NOSTRIN: variants seen among roughly 807,000 people sequenced by gnomAD.
The protein encoded by NOSTRIN is nitric oxide synthase trafficking.
Under a neutral mutation model 59.0 loss-of-function variants are expected in NOSTRIN, and 63 were observed. The ratio of observed to expected loss-of-function variants is 1.07; its 90% CI spans 0.87 to 1.32. NOSTRIN has a LOEUF of 1.32. Among genes scored for constraint, NOSTRIN ranks in the 40% most tolerant of loss-of-function variants. The pLI, the probability that NOSTRIN is intolerant of heterozygous loss-of-function variation, is 0.00. For missense variants in NOSTRIN, 512 were observed against 473.1 expected (o/e 1.08, Z -0.76); for synonymous variants, 200 against 165.4 (o/e 1.21, Z -1.61).
At chr2:168,859,244 G>A in intron 12 of NOSTRIN, 1 of 306,982 alleles carries the variant, frequency 3.3e-6, no homozygotes, top group Non-Finnish European at 5.9e-6. Context: ...CCTCTTCATT[G>A]CCATAAAATA....
chr2:168,811,794 T>G (rs533529015), intron 2 of NOSTRIN, 142 bp downstream of exon 2: 9 of 486,214 alleles, frequency 1.9e-5, no homozygotes, highest in Admixed American at 8.5e-5. Flanking sequence ...TGAAGAGTGA[T>G]TCTCCCCTAT....
intron 10 of NOSTRIN, among the ~76,000 whole-genome samples, chr2:168,853,232 G>A (rs913793307): frequency 2.0e-5 from 3 of 152,154 alleles, no homozygotes; most frequent in Non-Finnish European, 1.5e-5. Context: ...CATCTTTAAG[G>A]CAAAGCACCC....
chr2:168,834,521 A>G (rs12464372), intron 7 of NOSTRIN, among the ~76,000 whole-genome samples, 196 bp downstream of exon 7: 3 of 143,396 alleles, frequency 2.1e-5, no homozygotes, highest in Non-Finnish European at 4.6e-5. Context: ...ACACACACAC[A>G]CACACACACA....
intron 1 of NOSTRIN, among the ~76,000 whole-genome samples, chr2:168,805,180 T>C (rs1685784624): frequency 6.6e-6 from 1 of 152,196 alleles, no homozygotes; most frequent in Non-Finnish European, 1.5e-5. Flanking sequence ...CAAGCTCTAA[T>C]GGGCAAAATA....
At chr2:168,857,147 C>G (rs530901856) in intron 12 of NOSTRIN, among the ~76,000 whole-genome samples, 4 of 152,154 alleles carry the variant, frequency 2.6e-5, no homozygotes, top group Admixed American at 2.6e-4. Flanking sequence ...TTTACAGGGA[C>G]CTGGGTCAAC....
chr2:168,832,237 G>A (rs472233), intron 6 of NOSTRIN, among the ~76,000 whole-genome samples: 92,813 of 152,016 alleles, frequency 0.61, 29,408 homozygotes, highest in African/African-American at 0.78. Context: ...ATACATTCTA[G>A]GAGGAATTAC....
At chr2:168,796,254 C>T (rs375345872), upstream of NOSTRIN, among the ~76,000 whole-genome samples, 9 of 152,200 alleles carry the variant, frequency 5.9e-5, no homozygotes, top group Admixed American at 2.6e-4. Flanking sequence ...GACTCAGAAC[C>T]GGGAGTTGGC....
intron 15 of NOSTRIN, among the ~76,000 whole-genome samples, chr2:168,863,858 T>C (rs187388180): frequency 8.3e-4 from 126 of 151,904 alleles, no homozygotes; most frequent in African/African-American, 2.9e-3. Context: ...ATCAGCTACA[T>C]AGAAATAGAA....
chr2:168,828,978 G>A (rs1687210426), intron 5 of NOSTRIN, among the ~76,000 whole-genome samples: 1 of 152,014 alleles, frequency 6.6e-6, no homozygotes. Context: ...TTTAGATGGT[G>A]AAATTGGAGG....
chr2:168,793,361 C>T (rs1398359278), upstream of NOSTRIN, among the ~76,000 whole-genome samples: 1 of 152,188 alleles, frequency 6.6e-6, no homozygotes, highest in South Asian at 2.1e-4. Flanking sequence ...AATCCCAGCA[C>T]TTTGGAAGGC....
Position 168,864,687 on chromosome 2 carries a change from G to A in NOSTRIN, c.1385-147G>A, listed in dbSNP as rs184311803. On this transcript the variant is annotated intron_variant, in intron 15 of 15. Transcript: ENST00000317647. ...ATGCCTGCTTTATACACAGGTGTTC[G>A]ATACATTTGGCTTCATCTGAATCAA... is the stretch of plus-strand genomic sequence containing the variant. The A allele has an allele frequency of 1.8e-5, 14 of 772,894 alleles. 1 individual carries two copies. Among genetic ancestry groups the A allele is most frequent in the Admixed American group, 1.0e-4 (4 of 39,222 alleles). The allele number at this position is 772,894 out of a possible 1,614,324, so 47.9% of individuals were successfully genotyped here.
chr2:168,810,225 C>A (rs1191418176), intron 1 of NOSTRIN, among the ~76,000 whole-genome samples: 3 of 152,216 alleles, frequency 2.0e-5, no homozygotes, highest in Non-Finnish European at 4.4e-5. Context: ...ACCCTCACCA[C>A]TCTCCTTGTA....
chr2:168,843,744 A>G (rs955633952), intron 8 of NOSTRIN, among the ~76,000 whole-genome samples: 10 of 152,372 alleles, frequency 6.6e-5, no homozygotes, highest in African/African-American at 2.4e-4. Flanking sequence ...GGATGTTAGG[A>G]AACAAGAATT....
At chr2:168,830,449 A>T (rs1306105147) in intron 5 of NOSTRIN, among the ~76,000 whole-genome samples, 1 of 152,348 alleles carries the variant, frequency 6.6e-6, no homozygotes, top group East Asian at 1.9e-4. Flanking sequence ...GGCATAGTAC[A>T]TGAAATATTT....
At chr2:168,839,136 C>G (rs1687910857) in intron 7 of NOSTRIN, among the ~76,000 whole-genome samples, 1 of 152,094 alleles carries the variant, frequency 6.6e-6, no homozygotes, top group Non-Finnish European at 1.5e-5. Flanking sequence ...TTGAACCTTG[C>G]CAATCTCTTC....
intron 2 of NOSTRIN, chr2:168,818,328 C>A (rs1686533870): frequency 7.2e-6 from 2 of 275,988 alleles, no homozygotes; most frequent in South Asian, 3.4e-5. Context: ...TAATTTTAAA[C>A]AAATTTTTTG....
At chr2:168,807,837 G>A (rs1176341497) in intron 1 of NOSTRIN, among the ~76,000 whole-genome samples, 1 of 152,202 alleles carries the variant, frequency 6.6e-6, no homozygotes, top group Non-Finnish European at 1.5e-5. Context: ...TGGGACAAAA[G>A]TTAGAAAGTA....
intron 7 of NOSTRIN, among the ~76,000 whole-genome samples, chr2:168,842,384 CAGAG>C (rs1688156949): frequency 6.6e-6 from 1 of 152,164 alleles, no homozygotes; most frequent in Non-Finnish European, 1.5e-5. Flanking sequence ...ATCCCCATCA[CAGAG>C]ATGAGAAAAC....
chr2:168,857,642 A>G (rs1207388647), intron 12 of NOSTRIN, among the ~76,000 whole-genome samples: 1 of 152,264 alleles, frequency 6.6e-6, no homozygotes, highest in Non-Finnish European at 1.5e-5. Flanking sequence ...ACAGATATAT[A>G]GCACCAGTGT....
Sources: allele counts gnomAD v4.1 joint callset (sites outside exome capture counted in the v4.1 genomes callset), GRCh38; gene constraint gnomAD v4.1.1; transcripts MANE v1.5; gene names NCBI Gene and HGNC (gene_info 2026-07-23, HGNC 2026-07-21).